The following RSRC1 variants were observed in gnomAD, a reference collection of about 807,000 sequenced individuals.
RSRC1 encodes the protein arginine and serine rich coiled-coil 1, also known as serine/Arginine-related protein 53.
Under a neutral mutation model 49.1 loss-of-function variants are expected in RSRC1, and 39 were observed. The ratio of observed to expected loss-of-function variants is 0.79; its 90% CI spans 0.61 to 1.04. RSRC1 has a LOEUF of 1.04. Among genes scored for constraint, RSRC1 ranks in the 50% least tolerant of loss-of-function variants. RSRC1 has a pLI of 0.00. For synonymous variants in RSRC1, 143 were observed against 130.8 expected, an observed-to-expected ratio of 1.09 and a Z score of -0.63; for missense variants, 388 against 402.4, an observed-to-expected ratio of 0.96 and a Z score of 0.31.
At chr3:158,406,055 CT>C (rs1402916637) in intron 6 of RSRC1, among the ~76,000 whole-genome samples, 1 of 152,040 alleles carries the variant, frequency 6.6e-6, no homozygotes, top group East Asian at 1.9e-4. Flanking sequence ...AGGTTTTCAA[CT>C]TTGTTTGCAA....
At chr3:158,351,099 A>G (rs765125531) in intron 5 of RSRC1, among the ~76,000 whole-genome samples, 3 of 152,116 alleles carry the variant, frequency 2.0e-5, no homozygotes, top group Non-Finnish European at 2.9e-5. Flanking sequence ...TTCATCTCCA[A>G]CTGAGCTACT....
intron 4 of RSRC1, among the ~76,000 whole-genome samples, chr3:158,209,274 G>A (rs1445487940): frequency 6.6e-6 from 1 of 152,110 alleles, no homozygotes; most frequent in Non-Finnish European, 1.5e-5. Flanking sequence ...AAGGGAGTGG[G>A]TATGCTATCA....
chr3:158,225,600 G>A (rs549434789), intron 4 of RSRC1: 58 of 385,994 alleles, frequency 1.5e-4, no homozygotes, highest in African/African-American at 6.9e-4. Context: ...TTATAAAGAC[G>A]GATTAAAGTA....
chr3:158,228,777 G>A (rs1255211259), intron 4 of RSRC1, among the ~76,000 whole-genome samples: 2 of 151,286 alleles, frequency 1.3e-5, no homozygotes, highest in Non-Finnish European at 3.0e-5. Flanking sequence ...ATATATATAT[G>A]TGTGTGTGTA....
intron 5 of RSRC1, among the ~76,000 whole-genome samples, chr3:158,301,512 AG>A (rs1220074041): frequency 6.6e-6 from 1 of 152,158 alleles, no homozygotes; most frequent in Non-Finnish European, 1.5e-5. Context: ...TTATCAAGGG[AG>A]AATCTTTTCA....
chr3:158,187,006 A>G (rs1360547741), intron 3 of RSRC1, among the ~76,000 whole-genome samples: 1 of 151,978 alleles, frequency 6.6e-6, no homozygotes, highest in Non-Finnish European at 1.5e-5. Flanking sequence ...TTTATTTGAA[A>G]ATGATACGGC....
chr3:158,518,134 A>G (rs1220157163), intron 7 of RSRC1, among the ~76,000 whole-genome samples: 1 of 80,214 alleles, frequency 1.2e-5, no homozygotes, highest in African/African-American at 6.8e-5. Flanking sequence ...GTGTATATAT[A>G]TATATATATA....
chr3:158,242,413 C>T (rs114344714), intron 4 of RSRC1, among the ~76,000 whole-genome samples: 4,018 of 151,960 alleles, frequency 0.026, 158 homozygotes, highest in African/African-American at 0.092. Context: ...TAGTATTCCA[C>T]GGTGTATATC....
intron 6 of RSRC1, among the ~76,000 whole-genome samples, chr3:158,402,550 G>A (rs1377351246): frequency 6.6e-6 from 1 of 151,716 alleles, no homozygotes; most frequent in East Asian, 1.9e-4. Context: ...AAATAAACTA[G>A]TAGAATATTT....
chr3:158,393,903 T>C (rs754923031), intron 6 of RSRC1, among the ~76,000 whole-genome samples: 3 of 151,998 alleles, frequency 2.0e-5, no homozygotes, highest in Non-Finnish European at 4.4e-5. Context: ...TCAAAAATCC[T>C]CAACAAAATA....
At chr3:158,273,221 A>G (rs1354647159) in intron 4 of RSRC1, among the ~76,000 whole-genome samples, 1 of 152,028 alleles carries the variant, frequency 6.6e-6, no homozygotes, top group East Asian at 1.9e-4. Flanking sequence ...GATAGTTTTT[A>G]TTATTGGAGG....
At chr3:158,237,248 T>C (rs1367002794) in intron 4 of RSRC1, among the ~76,000 whole-genome samples, 3 of 152,288 alleles carry the variant, frequency 2.0e-5, no homozygotes, top group East Asian at 3.9e-4. Flanking sequence ...ATCTCATGAG[T>C]AAACACCTAA....
At chr3:158,137,843 A>G (rs897692957) in intron 3 of RSRC1, among the ~76,000 whole-genome samples, 2 of 151,890 alleles carry the variant, frequency 1.3e-5, no homozygotes, top group Admixed American at 6.6e-5. Flanking sequence ...TAGTAGAGAC[A>G]GGGTTTCGCC....
At chr3:158,121,259 A>C (rs1393460844) in intron 1 of RSRC1, among the ~76,000 whole-genome samples, 1 of 152,032 alleles carries the variant, frequency 6.6e-6, no homozygotes, top group African/African-American at 2.4e-5. Flanking sequence ...ACATTTTTAG[A>C]TTATTATTAC....
In RSRC1 at chr3:158,380,931, A is replaced by G. The variant is rs77271196; in HGVS notation, c.583+26023A>G. ...ACATGTGTTTAAACTGTATGGGTCT[A>G]CTTATACAAGGATTTTTTTTTACAT... On this transcript the variant is annotated intron_variant, in intron 6 of 9. Coordinates refer to ENST00000611884, the MANE Select transcript of RSRC1 (RefSeq NM_001271838.2). Among the ~76,000 whole-genome samples the G allele has an allele frequency of 5.3e-5, 8 of 152,306 alleles. No homozygotes were observed. In the East Asian group the frequency reaches 1.4e-3, roughly 26 times the overall value.
chr3:158,340,273 T>G (rs1457289341), intron 5 of RSRC1, among the ~76,000 whole-genome samples: 2 of 152,184 alleles, frequency 1.3e-5, no homozygotes, highest in African/African-American at 2.4e-5. Context: ...CCAGGCATGG[T>G]GGCTTACACC....
chr3:158,142,996 A>G (rs1187665275), intron 3 of RSRC1, among the ~76,000 whole-genome samples: 3 of 152,206 alleles, frequency 2.0e-5, no homozygotes, highest in African/African-American at 7.2e-5. Flanking sequence ...TGAATGAATG[A>G]TTGACTTCTA....
chr3:158,139,089 A>G (rs1308648499), intron 3 of RSRC1, among the ~76,000 whole-genome samples: 1 of 152,174 alleles, frequency 6.6e-6, no homozygotes, highest in Non-Finnish European at 1.5e-5. Flanking sequence ...AGTACTTACT[A>G]TAATTTTTTG....
At chr3:158,418,565 G>A (rs1734871752) in intron 6 of RSRC1, among the ~76,000 whole-genome samples, 5 of 151,882 alleles carry the variant, frequency 3.3e-5, no homozygotes, top group African/African-American at 9.7e-5. Flanking sequence ...ACATTCTTTT[G>A]TGGACGTTGA....
Sources: gnomAD v4.1 joint callset for allele counts (sites outside exome capture counted in the v4.1 genomes callset) on GRCh38, gnomAD v4.1.1 for gene constraint, MANE v1.5 for transcripts, NCBI Gene and HGNC (gene_info 2026-07-23, HGNC 2026-07-21) for gene names.